The following LRRK2 variants were observed in gnomAD, a reference collection of about 807,000 sequenced individuals.
LRRK2 encodes the protein leucine rich repeat kinase 2.
Under a neutral mutation model 302.6 loss-of-function variants are expected in LRRK2, and 203 were observed. The ratio of observed to expected loss-of-function variants is 0.67; its 90% CI spans 0.60 to 0.75. The LOEUF is 0.75. Among genes scored for constraint, LRRK2 ranks in the 30% least tolerant of loss-of-function variants. LRRK2 has a pLI of 0.00. For synonymous variants in LRRK2, 1,066 were observed against 1,031.9 expected (o/e 1.03, Z -0.63); for missense variants, 2,830 against 2,951.0 (o/e 0.96, Z 0.95).
rs1480407257 is a variant in LRRK2, at chr12:40,367,933, T to C, written c.*168T>C. 1 of 471,552 alleles carries C rather than the reference T, an allele frequency of 2.1e-6. No homozygotes were observed. 29.2% of individuals were successfully genotyped at this position (471,552 alleles called of 1,614,324 possible). On this transcript the variant is annotated 3_prime_UTR_variant, in exon 51 of 51. Transcript: ENST00000298910. ...AAATATATGTAAAAATACTTACCAG[T>C]AAATGTGTATTTTAAAGAACTATTT...
At position 40,334,068 on chromosome 12, in the gene LRRK2, A is replaced by T. The variant is rs75189907; in HGVS notation, c.5758-899A>T. Among the ~76,000 whole-genome samples the T allele has an allele frequency of 8.0e-3, 1,213 of 152,236 alleles. 18 individuals are homozygous for T. Among genetic ancestry groups the T allele is most frequent in the African/African-American group, 0.028 (1,153 of 41,534 alleles). On this transcript the variant is annotated intron_variant, in intron 39 of 50. Coordinates refer to ENST00000298910, the MANE Select transcript of LRRK2 (RefSeq NM_198578.4). ...AGGAGGGGATGATATGTATTTTTTT[A>T]AAATTGAGCATTATCCTCGGTAAAC...
rs766641299 is a variant in LRRK2 at position 40,284,001 on chromosome 12, C to T, written c.2368C>T (p.Leu790Phe). ...AGGTGACAGCCAGATCATCAGCTTGCTCTTAAGGAGGCTGGCCCTGGATGT... is the reference window on the plus strand; with the variant it reads ...AGGTGACAGCCAGATCATCAGCTTGTTCTTAAGGAGGCTGGCCCTGGATGT... ...GKGDSQIISL[L>F]LRRLALDVAN... is the part of the protein sequence containing the mutation. Residue 790 changes from leucine (L) to phenylalanine (F), a missense_variant, in exon 19 of 51, where the codon CTC becomes TTC. Physicochemically the swap from Leu to Phe is conservative, Grantham distance 22. Around this residue, in one of 3 missense-constraint regions of LRRK2, gnomAD observed 2,121 missense variants for 2,148.0 expected, o/e 0.99. Transcript: ENST00000298910. 6.8e-6 allele frequency: 11 copies of T among 1,613,908 alleles called. No homozygotes were observed. The Admixed American group carries it at 1.8e-4, about 27-fold the overall frequency.
intron 14 of LRRK2, among the ~76,000 whole-genome samples, chr12:40,268,964 C>T (rs1388885097): frequency 6.6e-6 from 1 of 152,168 alleles, no homozygotes; most frequent in East Asian, 1.9e-4. Flanking sequence ...ATTTATCTTA[C>T]TCCTTTTGCC....
Position 40,308,663 on chromosome 12 carries a change from A to C in LRRK2, c.4156A>C (p.Arg1386=), listed in dbSNP as rs373130570. The C allele has an allele frequency of 4.3e-6, 7 of 1,613,774 alleles. No individual in the cohort carries two copies. The African/African-American group carries it at 8.0e-5, about 18-fold the overall frequency. Residue 1386 remains arginine, a synonymous_variant, in exon 29 of 51, where the codon AGA becomes CGA. Transcript: ENST00000298910. ...WPIQIRDKRK[R]DLVLNVWDFA... Reference sequence around the variant, plus strand: ...TATCCAAATAAGAGACAAAAGAAAGAGAGATCTCGTCCTAAATGTGTGGGA... The same window carrying C: ...TATCCAAATAAGAGACAAAAGAAAGCGAGATCTCGTCCTAAATGTGTGGGA...
Position 40,349,626 on chromosome 12 carries a change from A to T in LRRK2, c.6381+1117A>T, listed in dbSNP as rs17491611. 9.6e-3 allele frequency among the ~76,000 whole-genome samples: 1,455 copies of T among 152,212 alleles called. 24 individuals are homozygous for T. The highest frequency in any genetic ancestry group is 0.034 in the African/African-American group (1,403 of 41,528). ...AGCTTTGACCTCCTGGGCTCAAGTG[A>T]TCCTGTCGCCTCAGTCTCCATCAGC... On this transcript the variant is annotated intron_variant, in intron 43 of 50. Transcript: ENST00000298910.
chr12:40,299,960 A>G (rs1438330976), intron 25 of LRRK2, among the ~76,000 whole-genome samples: 3 of 152,124 alleles, frequency 2.0e-5, no homozygotes, highest in Non-Finnish European at 4.4e-5. Flanking sequence ...TTATTGTCAG[A>G]GGTTAAAATG....
chr12:40,340,224 A>G (rs1165516455), intron 40 of LRRK2, 70 bp from the exon 41 acceptor site: 3 of 1,515,810 alleles, frequency 2.0e-6, no homozygotes, highest in Non-Finnish European at 2.7e-6. Flanking sequence ...TTTATATTTA[A>G]GGAAATTAGG....
intron 38 of LRRK2, among the ~76,000 whole-genome samples, chr12:40,324,306 T>C: frequency 6.6e-6 from 1 of 152,184 alleles, no homozygotes; most frequent in Admixed American, 6.5e-5. Flanking sequence ...TATGTATATG[T>C]TGTGGAATGG....
chr12:40,364,820 A>C (rs777936008), intron 48 of LRRK2, 22 bp from the exon 49 acceptor site: 4 of 1,539,792 alleles, frequency 2.6e-6, no homozygotes, highest in East Asian at 2.3e-5. Context: ...TAAAATTATT[A>C]ATGTATACTT....
chr12:40,367,922 A>T lies in LRRK2; in HGVS notation c.*157A>T. The T allele has an allele frequency of 1.9e-6, 1 of 532,896 alleles. No homozygotes were observed. The highest frequency in any genetic ancestry group is 3.1e-6 in the Non-Finnish European group (1 of 321,472). The allele number at this position is 532,896 out of a possible 1,614,324, so 33.0% of individuals were successfully genotyped here. ...ATTTTTAATTTAAATATATGTAAAA[A>T]TACTTACCAGTAAATGTGTATTTTA... On this transcript the variant is annotated 3_prime_UTR_variant, in exon 51 of 51. Transcript: ENST00000298910.
At chr12:40,257,207 T>C (rs1419141172) in intron 11 of LRRK2, 41 bp from the exon 12 acceptor site, 1 of 1,388,572 alleles carries the variant, frequency 7.2e-7, no homozygotes, top group Admixed American at 1.7e-5. Flanking sequence ...ATTATGAAAA[T>C]ATGCTTTCAT....
intron 41 of LRRK2, among the ~76,000 whole-genome samples, chr12:40,341,514 A>G (rs1946044126): frequency 6.6e-6 from 1 of 152,194 alleles, no homozygotes; most frequent in South Asian, 2.1e-4. Flanking sequence ...TTCAAAGTGT[A>G]TGTTCTGGCT....
chr12:40,313,612 C>A (rs565389628), intron 31 of LRRK2, among the ~76,000 whole-genome samples: 1 of 151,870 alleles, frequency 6.6e-6, no homozygotes, highest in East Asian at 1.9e-4. Flanking sequence ...ATATCTTATA[C>A]TAGCGTGTCT....
At chr12:40,282,017 TCCC>T (rs1943718379) in intron 18 of LRRK2, among the ~76,000 whole-genome samples, 2 of 5,948 alleles carry the variant, frequency 3.4e-4, no homozygotes, top group Non-Finnish European at 7.4e-4. Context: ...CCGCTTCCCT[TCCC>T]TTCCCTTCCC....
At position 40,301,418 on chromosome 12, in the gene LRRK2, G is replaced by A. The variant is rs1016237161; in HGVS notation, c.3497-1371G>A. Reference sequence around the variant, plus strand: ...CAGCCTGGCGACAGAGCAAGACTCCGTCAATCAATCAATCAAACAATCAAT... The same window carrying A: ...CAGCCTGGCGACAGAGCAAGACTCCATCAATCAATCAATCAAACAATCAAT... On this transcript the variant is annotated intron_variant, in intron 25 of 50. Transcript: ENST00000298910. Among the ~76,000 whole-genome samples the A allele has an allele frequency of 4.6e-5, 7 of 151,988 alleles. No homozygotes were observed. In the East Asian group the frequency reaches 5.8e-4, roughly 13 times the overall value.
intron 27 of LRRK2, chr12:40,304,870 T>C (rs1361192226): frequency 1.3e-5 from 2 of 152,104 alleles, no homozygotes; most frequent in African/African-American, 4.8e-5. Context: ...TTTTAAAGGA[T>C]TATATGAATA....
rs202073944 is a variant in LRRK2, at chr12:40,314,043, G to A, written c.4608G>A (p.Ser1536=). 2.6e-5 allele frequency: 42 copies of A among 1,612,066 alleles called. No individual in the cohort carries two copies. Among genetic ancestry groups the A allele is most frequent in the East Asian group, 6.7e-5 (3 of 44,820 alleles). ...TAGAACTTGAAAAAATCATTTTATC[G>A]GAGCGTAAAAATGTGCCAATTGAAT... ...CYVELEKIIL[S]ERKNVPIEFP... is the part of the protein sequence containing the mutation. The change falls in exon 32 of 51, where the codon TCG becomes TCA. Residue 1536 remains serine, a synonymous_variant. Coordinates refer to ENST00000298910, the MANE Select transcript of LRRK2 (RefSeq NM_198578.4).
intron 46 of LRRK2, 80 bp downstream of exon 46, chr12:40,356,267 TTA>T: frequency 1.0e-6 from 1 of 973,776 alleles, no homozygotes; most frequent in Middle Eastern, 3.1e-4. Context: ...TCTTATGGGA[TTA>T]TAAACTCCCT....
At chr12:40,293,742 C>A in intron 21 of LRRK2, 79 bp downstream of exon 21, 1 of 955,490 alleles carries the variant, frequency 1.0e-6, no homozygotes, top group Non-Finnish European at 1.7e-6. Flanking sequence ...TATGCCAAAG[C>A]TAGGAACAAT....
Sources: gnomAD v4.1 joint callset for allele counts (sites outside exome capture counted in the v4.1 genomes callset) on GRCh38, gnomAD v4.1.1 for gene constraint, gnomAD v4.1.1 regional missense constraint, MANE v1.5 for transcripts, NCBI Gene and HGNC (gene_info 2026-07-23, HGNC 2026-07-21) for gene names.